CORIN: variants seen among roughly 807,000 people sequenced by gnomAD.
The protein encoded by CORIN is corin, serine peptidase.
CORIN carries 117 observed loss-of-function variants against 125.3 expected under a neutral mutation model. The observed-to-expected ratio is 0.93, with a 90% CI of 0.80 to 1.09. The LOEUF is 1.09. Among genes scored for constraint, CORIN ranks in the 50% least tolerant of loss-of-function variants. The pLI, the probability that CORIN is intolerant of heterozygous loss-of-function variation, is 0.00. For missense variants in CORIN, 1,253 were observed against 1,306.7 expected (o/e 0.96, Z 0.63); for synonymous variants, 450 against 466.4 (o/e 0.96, Z 0.45).
chr4:47,751,282 G>A (rs984564356), intron 4 of CORIN, among the ~76,000 whole-genome samples: 5 of 152,220 alleles, frequency 3.3e-5, no homozygotes, highest in South Asian at 4.1e-4. Flanking sequence ...GGGGAGTATA[G>A]CTCAGGGGTA....
At chr4:47,817,548 A>G (rs906895361) in intron 1 of CORIN, among the ~76,000 whole-genome samples, 1 of 152,142 alleles carries the variant, frequency 6.6e-6, no homozygotes, top group Non-Finnish European at 1.5e-5. Context: ...TCAAGTTTTT[A>G]GCTTCTGGAG....
Position 47,645,143 on chromosome 4 carries a change from T to C in CORIN, c.1895A>G (p.Lys632Arg). The stretch of plus-strand genomic sequence containing the variant: ...GAACCCATCGCAGATCACTGTGTGC[T>C]TCAAACATTGTTTATTGGATGGACA... ...WECPSNKQCL[K>R]HTVICDGFPD... The change falls in exon 14 of 22, where the codon AAG becomes AGG. Residue 632 changes from lysine (K) to arginine (R), a missense_variant. By Grantham distance (26) the Lys-to-Arg change is conservative. Coordinates refer to ENST00000273857, the MANE Select transcript of CORIN (RefSeq NM_006587.4). 6.2e-7 allele frequency: 1 copy of C among 1,613,114 alleles called. No individual in the cohort carries two copies. Among genetic ancestry groups the C allele is most frequent in the East Asian group, 2.2e-5 (1 of 44,856 alleles).
At chr4:47,742,607 T>G (rs1436246237) in intron 5 of CORIN, among the ~76,000 whole-genome samples, 5 of 152,066 alleles carry the variant, frequency 3.3e-5, no homozygotes, top group Non-Finnish European at 7.4e-5. Context: ...TGAAAATACC[T>G]ACTTAAATAT....
chr4:47,723,134 G>A (rs940327869), intron 5 of CORIN, among the ~76,000 whole-genome samples: 1 of 152,150 alleles, frequency 6.6e-6, no homozygotes, highest in Non-Finnish European at 1.5e-5. Flanking sequence ...CTGTGCTCAT[G>A]GAAGCTGTAC....
Position 47,623,578 on chromosome 4 carries a change from A to T in CORIN, c.2533T>A (p.Phe845Ile). Residue 845 changes from phenylalanine to isoleucine, a missense_variant, in exon 19 of 22, where the codon TTC becomes ATC. Physicochemically the swap from Phe to Ile is conservative, Grantham distance 21 (BLOSUM62 0). Coordinates refer to ENST00000273857, the MANE Select transcript of CORIN (RefSeq NM_006587.4). ...AGGAAAGGTGCAGCTTACCCCTCGA[A>T]GCAGTGGGCAACTGTCAGAACCCAC... ...KKWVLTVAHC[F>I]EGRENAAVWK... is the part of the protein sequence containing the mutation. 1 of 1,614,068 alleles carries T rather than the reference A, an allele frequency of 6.2e-7. No homozygotes were observed. Among genetic ancestry groups the T allele is most frequent in the Non-Finnish European group, 8.5e-7 (1 of 1,179,948 alleles).
At chr4:47,758,615 C>A (rs1729303849) in intron 4 of CORIN, among the ~76,000 whole-genome samples, 4 of 152,210 alleles carry the variant, frequency 2.6e-5, no homozygotes, top group South Asian at 2.1e-4. Flanking sequence ...GTGTCCCCAC[C>A]CAAATCTCAT....
chr4:47,598,732 ATTC>A (rs1721341882), intron 21 of CORIN, among the ~76,000 whole-genome samples: 1 of 152,166 alleles, frequency 6.6e-6, no homozygotes, highest in East Asian at 1.9e-4. Context: ...AACCTCCTGT[ATTC>A]TTGATCTGTT....
At position 47,623,728 on chromosome 4, in the gene CORIN, C is replaced by G. The variant is rs767103061; in HGVS notation, c.2383G>C (p.Ala795Pro). 3 of 1,614,208 alleles carry G rather than the reference C, an allele frequency of 1.9e-6. No individual in the cohort carries two copies. Among genetic ancestry groups the G allele is most frequent in the South Asian group, 2.2e-5 (2 of 91,084 alleles). Residue 795 changes from alanine to proline, a missense_variant, in exon 19 of 22, where the codon GCT (alanine) becomes CCT (proline). Physicochemically the swap from Ala to Pro is conservative, Grantham distance 27. Transcript: ENST00000273857. ...CTKQDCGRRP[A>P]ARMNKRILGG... The stretch of plus-strand genomic sequence containing the variant: ...AGGATCCTTTTGTTCATTCGGGCAG[C>G]AGGGCGGCGCCCACAGTCTACCAAG...
intron 5 of CORIN, among the ~76,000 whole-genome samples, chr4:47,727,928 A>G (rs1434251987): frequency 6.6e-6 from 1 of 152,198 alleles, no homozygotes; most frequent in Non-Finnish European, 1.5e-5. Flanking sequence ...TTGAGGGTAC[A>G]CAGCAAAAAT....
At chr4:47,831,358 A>G (rs944531351) in intron 1 of CORIN, 2 of 152,368 alleles carry the variant, frequency 1.3e-5, no homozygotes, top group African/African-American at 4.8e-5. Flanking sequence ...CCAAACGCCA[A>G]TGCAGAAGGC....
chr4:47,782,111 G>T (rs961356860), intron 3 of CORIN, among the ~76,000 whole-genome samples: 1 of 152,010 alleles, frequency 6.6e-6, no homozygotes, highest in Non-Finnish European at 1.5e-5. Flanking sequence ...AAGGCCAGGC[G>T]CAGTGGCTCA....
chr4:47,726,462 G>A (rs34642298), intron 5 of CORIN, among the ~76,000 whole-genome samples: 14,907 of 152,074 alleles, frequency 0.098, 863 homozygotes, highest in East Asian at 0.27. Context: ...GGAATATACT[G>A]TATGATTCCA....
intron 19 of CORIN, among the ~76,000 whole-genome samples, chr4:47,614,682 T>A (rs1307200048): frequency 6.6e-6 from 1 of 152,162 alleles, no homozygotes; most frequent in East Asian, 1.9e-4. Context: ...ATTTCTAGTT[T>A]GAGACAAATT....
chr4:47,711,664 T>C (rs1400161495), intron 5 of CORIN, among the ~76,000 whole-genome samples: 2 of 152,234 alleles, frequency 1.3e-5, no homozygotes, highest in Admixed American at 6.5e-5. Flanking sequence ...AAAAAAAGTT[T>C]TATTTAAGCC....
intron 16 of CORIN, among the ~76,000 whole-genome samples, chr4:47,637,349 G>A (rs28848023): frequency 0.26 from 39,760 of 152,082 alleles, 5,426 homozygotes; most frequent in Admixed American, 0.36. Context: ...ATTCAAGCTG[G>A]CTGCAGAAGT....
At chr4:47,727,897 T>A (rs1171710280) in intron 5 of CORIN, among the ~76,000 whole-genome samples, 1 of 152,216 alleles carries the variant, frequency 6.6e-6, no homozygotes, top group Admixed American at 6.5e-5. Flanking sequence ...GTACAAGGGC[T>A]GTGTACTTTG....
rs1291964180 is a variant in CORIN, at chr4:47,753,366, T to A, written c.618-8783A>T. Among the ~76,000 whole-genome samples the A allele has an allele frequency of 5.3e-5, 8 of 152,150 alleles. No homozygotes were observed. The East Asian group carries it at 1.5e-3, about 29-fold the overall frequency. On this transcript the variant is annotated intron_variant, in intron 4 of 21. Coordinates refer to ENST00000273857, the MANE Select transcript of CORIN (RefSeq NM_006587.4). The stretch of plus-strand genomic sequence containing the variant: ...TGTGCACATATTGTCTTGTTAAACA[T>A]CTTAAGCAACAGAAAACAGGGTTCG...
At chr4:47,668,680 TG>T (rs1724590191) in intron 10 of CORIN, among the ~76,000 whole-genome samples, 1 of 152,212 alleles carries the variant, frequency 6.6e-6, no homozygotes, top group South Asian at 2.1e-4. Context: ...TGTATTTCAC[TG>T]AAGATGATTA....
At chr4:47,663,673 A>G (rs1724347229) in intron 11 of CORIN, among the ~76,000 whole-genome samples, 1 of 152,204 alleles carries the variant, frequency 6.6e-6, no homozygotes, top group Non-Finnish European at 1.5e-5. Context: ...GGAAATTTTT[A>G]TCTACATATG....
Sources: allele counts gnomAD v4.1 joint callset (sites outside exome capture counted in the v4.1 genomes callset), GRCh38; gene constraint gnomAD v4.1.1; transcripts MANE v1.5; gene names NCBI Gene and HGNC (gene_info 2026-07-23, HGNC 2026-07-21).